The following KLHL6 variants were observed in gnomAD, a reference collection of about 807,000 sequenced individuals.
The protein encoded by KLHL6 is kelch like family member 6, also known as kelch-like protein 6.
Under a neutral mutation model 58.6 loss-of-function variants are expected in KLHL6, and 41 were observed. That is an observed-to-expected ratio of 0.70 (90% CI 0.55 to 0.91). The LOEUF is 0.91. Among genes scored for constraint, KLHL6 ranks in the 40% least tolerant of loss-of-function variants. KLHL6 has a pLI of 0.00. For missense variants in KLHL6, 714 were observed against 805.6 expected (o/e 0.89, Z 1.38); for synonymous variants, 338 against 322.7 (o/e 1.05, Z -0.51).
At chr3:183,552,642 CTGG>C (rs532469935) in intron 1 of KLHL6, among the ~76,000 whole-genome samples, 1,955 of 148,412 alleles carry the variant, frequency 0.013, 34 homozygotes, top group African/African-American at 0.046. Context: ...GGCCTGAACC[CTGG>C]AGGCGGAGTT....
rs1717574963 is a variant in KLHL6 at position 183,492,065 on chromosome 3, C to T, written c.1728G>A (p.Val576=). The part of the protein sequence containing the change: ...RDEKNEVIAT[V]LCWDPEAQKL... ...TCTGGGCCTCGGGGTCCCAGCACAGCACCGTGGCGATAACCTCGTTCTTCT... is the reference window on the plus strand; with the variant it reads ...TCTGGGCCTCGGGGTCCCAGCACAGTACCGTGGCGATAACCTCGTTCTTCT... Residue 576 remains valine, a synonymous_variant, in exon 7 of 7, where the codon GTG becomes GTA. Transcript: ENST00000341319. This position sits in a 1 kb window ranked among gnomAD's most constrained non-coding sequence, Gnocchi z 5.9. The T allele has an allele frequency of 6.2e-7, 1 of 1,614,060 alleles. No individual in the cohort carries two copies.
At chr3:183,555,250 A>G (rs571925179) in intron 1 of KLHL6, 111 bp downstream of exon 1, 1 of 779,996 alleles carries the variant, frequency 1.3e-6, no homozygotes, top group Non-Finnish European at 2.1e-6. Context: ...GCCTTAATAT[A>G]TATGTAAACC....
chr3:183,555,241 C>G, intron 1 of KLHL6, 120 bp downstream of exon 1: 1 of 708,364 alleles, frequency 1.4e-6, no homozygotes, highest in Non-Finnish European at 2.4e-6. Flanking sequence ...GACACACAAG[C>G]CTTAATATAT....
chr3:183,505,042 C>A (rs1560094710), intron 3 of KLHL6, among the ~76,000 whole-genome samples: 1 of 152,208 alleles, frequency 6.6e-6, no homozygotes, highest in Non-Finnish European at 1.5e-5. Context: ...TGATTGCATT[C>A]TTTTCTATGG....
intron 2 of KLHL6, among the ~76,000 whole-genome samples, chr3:183,514,433 C>T (rs1455720089): frequency 6.6e-6 from 1 of 152,070 alleles, no homozygotes; most frequent in Non-Finnish European, 1.5e-5. Context: ...ACGCTCCTGC[C>T]ATCTCTCGGC....
At position 183,499,224 on chromosome 3, in the gene KLHL6, T is replaced by A. The variant is rs1717798261; in HGVS notation, c.1147+366A>T. Among the ~76,000 whole-genome samples, 1 of 152,014 alleles carries A rather than the reference T, an allele frequency of 6.6e-6. No individual in the cohort carries two copies. The highest frequency in any genetic ancestry group is 2.1e-4 in the South Asian group (1 of 4,816). On this transcript the variant is annotated intron_variant, in intron 4 of 6. Transcript: ENST00000341319. The surrounding 1 kb of genome is among the most constrained non-coding windows in gnomAD (Gnocchi z 4.6). ...GGGCATGGTGGCAGGCACCTGATTG[T>A]AATCCCAGCTACTCGGGAGGGTGAG... is the stretch of plus-strand genomic sequence containing the variant.
chr3:183,528,151 C>T, intron 1 of KLHL6, 141 bp from the exon 2 acceptor site: 1 of 831,246 alleles, frequency 1.2e-6, no homozygotes, highest in Non-Finnish European at 1.9e-6. Flanking sequence ...TCTCTGTTCT[C>T]CAGCACCCCC....
chr3:183,513,730 A>G (rs1718253223), intron 2 of KLHL6, among the ~76,000 whole-genome samples: 1 of 152,058 alleles, frequency 6.6e-6, no homozygotes, highest in Admixed American at 6.6e-5. Flanking sequence ...TTTTACTTTA[A>G]ATTCTGGGAC....
At chr3:183,514,493 C>T (rs1347546791) in intron 2 of KLHL6, among the ~76,000 whole-genome samples, 2 of 151,984 alleles carry the variant, frequency 1.3e-5, no homozygotes, top group East Asian at 3.9e-4. Flanking sequence ...CTACGCGCCT[C>T]ACCCAGACAA....
At chr3:183,540,156 A>G (rs559403078) in intron 1 of KLHL6, among the ~76,000 whole-genome samples, 27 of 152,312 alleles carry the variant, frequency 1.8e-4, no homozygotes, top group African/African-American at 6.5e-4. Flanking sequence ...AGCCAATTCA[A>G]TTGGAGCCAA....
At chr3:183,524,204 G>A (rs901571184) in intron 2 of KLHL6, among the ~76,000 whole-genome samples, 1 of 152,152 alleles carries the variant, frequency 6.6e-6, no homozygotes, top group African/African-American at 2.4e-5. Flanking sequence ...CAGGTCCATA[G>A]TTTGGGGCTG....
chr3:183,551,368 T>A (rs1309947493), intron 1 of KLHL6, among the ~76,000 whole-genome samples: 2 of 152,090 alleles, frequency 1.3e-5, no homozygotes, highest in Non-Finnish European at 2.9e-5. Flanking sequence ...GAAATGGAAC[T>A]GGTAGATTGT....
intron 2 of KLHL6, among the ~76,000 whole-genome samples, chr3:183,519,354 A>G (rs1711665599): frequency 6.6e-6 from 1 of 152,174 alleles, no homozygotes; most frequent in African/African-American, 2.4e-5. Context: ...AAAATCAGAG[A>G]GAGACTGATG....
At chr3:183,523,725 G>A (rs1447171021) in intron 2 of KLHL6, among the ~76,000 whole-genome samples, 1 of 151,820 alleles carries the variant, frequency 6.6e-6, no homozygotes, top group Admixed American at 6.6e-5. Context: ...AAGTTTTTGG[G>A]GTACAGGTGG....
chr3:183,528,845 C>T (rs1265724931), intron 1 of KLHL6, among the ~76,000 whole-genome samples: 1 of 152,130 alleles, frequency 6.6e-6, no homozygotes, highest in Non-Finnish European at 1.5e-5. Context: ...TACACATGCA[C>T]GTGTATGTTC....
rs1347040698 is a variant in KLHL6, at chr3:183,488,940, C to T, written c.*2987G>A. 1 of 152,188 alleles carries T rather than the reference C, an allele frequency of 6.6e-6. No individual in the cohort carries two copies. Among genetic ancestry groups the T allele is most frequent in the East Asian group, 1.9e-4 (1 of 5,198 alleles). 9.4% of individuals were successfully genotyped at this position (152,188 alleles called of 1,614,324 possible). A position where few individuals can be genotyped will look rare whatever the true frequency, so the allele number is the denominator to read the frequency against. ...TGAGTGTCAGCTACATGACATTTTCCACAATTCACCTGCATATCTGGTGTT... is the reference window on the plus strand; with the variant it reads ...TGAGTGTCAGCTACATGACATTTTCTACAATTCACCTGCATATCTGGTGTT... On this transcript the variant is annotated 3_prime_UTR_variant, in exon 7 of 7. Coordinates refer to ENST00000341319, the MANE Select transcript of KLHL6 (RefSeq NM_130446.4).
At chr3:183,518,650 C>T (rs1418330058) in intron 2 of KLHL6, among the ~76,000 whole-genome samples, 1 of 152,158 alleles carries the variant, frequency 6.6e-6, no homozygotes, top group Non-Finnish European at 1.5e-5. Context: ...GAAGATAATT[C>T]TTGGCTTTTG....
At chr3:183,515,168 C>T (rs1429212995) in intron 2 of KLHL6, among the ~76,000 whole-genome samples, 3 of 152,168 alleles carry the variant, frequency 2.0e-5, no homozygotes, top group Non-Finnish European at 4.4e-5. Flanking sequence ...AGAGCTAAGT[C>T]AAAAGATCCA....
rs1426738578 is a variant in KLHL6 at position 183,492,090 on chromosome 3, T to C, written c.1703A>G (p.Glu568Gly). 1 of 1,613,822 alleles carries C rather than the reference T, an allele frequency of 6.2e-7. No individual in the cohort carries two copies. Among genetic ancestry groups the C allele is most frequent in the Non-Finnish European group, 8.5e-7 (1 of 1,180,010 alleles). The change falls in exon 7 of 7, where the codon GAG becomes GGG. Residue 568 changes from glutamate to glycine, a missense_variant. Physicochemically the swap from Glu to Gly is moderately conservative, Grantham distance 98 (BLOSUM62 -2). Transcript: ENST00000341319. The surrounding 1 kb of genome is among the most constrained non-coding windows in gnomAD (Gnocchi z 5.9). ...CACCGTGGCGATAACCTCGTTCTTC[T>C]CGTCCCGCCCGCCGGTGATGTAGAG... ...NRLYITGGRD[E>G]KNEVIATVLC... is the part of the protein sequence containing the mutation.
Sources: gnomAD v4.1 joint callset for allele counts (sites outside exome capture counted in the v4.1 genomes callset) on GRCh38, gnomAD v4.1.1 for gene constraint, Gnocchi (gnomAD v3.1) non-coding constraint, MANE v1.5 for transcripts, NCBI Gene and HGNC (gene_info 2026-07-23, HGNC 2026-07-21) for gene names.